The following FRMD3 variants were observed in gnomAD, a reference collection of about 807,000 sequenced individuals.
FRMD3 encodes FERM domain-containing protein 3.
A neutral mutation model predicts 70.2 loss-of-function variants in FRMD3; 33 were observed. The ratio of observed to expected loss-of-function variants is 0.47; its 90% CI spans 0.36 to 0.63. The LOEUF (loss-of-function observed/expected upper bound fraction) is 0.63. Among genes scored for constraint, FRMD3 ranks in the 20% least tolerant of loss-of-function variants. The pLI is 0.00. For synonymous variants in FRMD3, 279 were observed against 255.9 expected, an observed-to-expected ratio of 1.09 and a Z score of -0.86; for missense variants, 632 against 711.4, an observed-to-expected ratio of 0.89 and a Z score of 1.27.
chr9:83,372,381 A>T (rs548972597), intron 3 of FRMD3, among the ~76,000 whole-genome samples: 1 of 151,542 alleles, frequency 6.6e-6, no homozygotes, highest in South Asian at 2.1e-4. Context: ...AAAAAAAAAA[A>T]AAAAAGAAGT....
In FRMD3 at chr9:83,287,993, T is replaced by C. The variant is rs537741617; in HGVS notation, c.1195+2610A>G. Among the ~76,000 whole-genome samples the C allele has an allele frequency of 1.1e-4, 16 of 152,344 alleles. No individual in the cohort carries two copies. In the East Asian group the frequency reaches 2.7e-3, roughly 26 times the overall value. ...TACAACTTGTATTTGTCACAATTGTTGCATTAAGGAATGAATGAATTCCCA... is the reference window on the plus strand; with the variant it reads ...TACAACTTGTATTTGTCACAATTGTCGCATTAAGGAATGAATGAATTCCCA... On this transcript the variant is annotated intron_variant, in intron 13 of 13. Transcript: ENST00000304195.
At chr9:83,320,543 C>A (rs1835759114) in intron 6 of FRMD3, among the ~76,000 whole-genome samples, 1 of 151,376 alleles carries the variant, frequency 6.6e-6, no homozygotes, top group Non-Finnish European at 1.5e-5. Flanking sequence ...GCTGAAAATA[C>A]AATTTTCAGC....
At chr9:83,318,036 G>A (rs1016498332) in intron 6 of FRMD3, among the ~76,000 whole-genome samples, 1 of 152,152 alleles carries the variant, frequency 6.6e-6, no homozygotes, top group Non-Finnish European at 1.5e-5. Context: ...CAAATAGGAC[G>A]TCTAACTAGC....
chr9:83,387,350 T>A (rs1213400236), intron 2 of FRMD3, among the ~76,000 whole-genome samples: 1 of 152,236 alleles, frequency 6.6e-6, no homozygotes, highest in African/African-American at 2.4e-5. Flanking sequence ...AATCCAATAC[T>A]ATTGTTATTT....
chr9:83,507,701 T>C (rs28514606), intron 1 of FRMD3, among the ~76,000 whole-genome samples: 8 of 65,284 alleles, frequency 1.2e-4, no homozygotes, highest in South Asian at 5.1e-4. Flanking sequence ...CATATATATA[T>C]ATATATATAT....
chr9:83,310,637 G>T, intron 8 of FRMD3, 89 bp from the exon 9 acceptor site: 1 of 953,218 alleles, frequency 1.0e-6, no homozygotes, highest in Non-Finnish European at 1.6e-6. Flanking sequence ...ACTCAAAAAT[G>T]CCAGGCAGAT....
chr9:83,422,703 A>G (rs183770635), intron 1 of FRMD3, among the ~76,000 whole-genome samples: 249 of 152,316 alleles, frequency 1.6e-3, no homozygotes, highest in African/African-American at 5.7e-3. Flanking sequence ...CTCCAGCCAG[A>G]ACAGATGTTT....
At chr9:83,333,509 G>A (rs1339378934) in intron 6 of FRMD3, among the ~76,000 whole-genome samples, 1 of 152,188 alleles carries the variant, frequency 6.6e-6, no homozygotes, top group Non-Finnish European at 1.5e-5. Context: ...AAACAACTTG[G>A]AATCTTCTGT....
In FRMD3 at chr9:83,538,058, C is replaced by G. The variant is rs1049883071; in HGVS notation, c.147+27G>C. 1.9e-6 allele frequency: 3 copies of G among 1,608,086 alleles called. No homozygotes were observed. Among genetic ancestry groups the G allele is most frequent in the Non-Finnish European group, 2.6e-6 (3 of 1,176,000 alleles). On this transcript the variant is annotated intron_variant, in intron 1 of 13. Transcript: ENST00000304195. This position sits in a 1 kb window ranked among gnomAD's most constrained non-coding sequence, Gnocchi z 4.7. The stretch of plus-strand genomic sequence containing the variant: ...CCCGCCCTGCTCCCGGCGTGTGCCC[C>G]GCGCCCTCGCCCGGTTCCACGCGCA...
At chr9:83,489,094 G>C (rs571225748) in intron 1 of FRMD3, among the ~76,000 whole-genome samples, 1 of 151,510 alleles carries the variant, frequency 6.6e-6, no homozygotes, top group South Asian at 2.1e-4. Flanking sequence ...ATATACAAAA[G>C]TGAATTCAAT....
intron 5 of FRMD3, among the ~76,000 whole-genome samples, chr9:83,338,890 C>T (rs1027846318): frequency 6.6e-6 from 1 of 152,136 alleles, no homozygotes; most frequent in Non-Finnish European, 1.5e-5. Context: ...CGTAACATGT[C>T]CACCTTTACA....
At chr9:83,455,071 T>TCTA (rs1554707843) in intron 1 of FRMD3, among the ~76,000 whole-genome samples, 1 of 152,138 alleles carries the variant, frequency 6.6e-6, no homozygotes, top group Non-Finnish European at 1.5e-5. Flanking sequence ...TAGTAACACT[T>TCTA]ACTTTTTAAT....
intron 1 of FRMD3, among the ~76,000 whole-genome samples, chr9:83,448,637 G>A (rs1310876296): frequency 6.6e-6 from 1 of 152,048 alleles, no homozygotes; most frequent in Non-Finnish European, 1.5e-5. Flanking sequence ...CAAGGCCTCT[G>A]AGCCACTCTC....
chr9:83,379,787 C>G (rs895822954), intron 2 of FRMD3, among the ~76,000 whole-genome samples: 1 of 152,166 alleles, frequency 6.6e-6, no homozygotes, highest in South Asian at 2.1e-4. Context: ...TAGCTCTTAA[C>G]TAATGACTAT....
At chr9:83,503,547 T>C (rs947831581) in intron 1 of FRMD3, among the ~76,000 whole-genome samples, 1 of 152,172 alleles carries the variant, frequency 6.6e-6, no homozygotes, top group Admixed American at 6.5e-5. Flanking sequence ...ACACCTTGAG[T>C]ACAGATTTGT....
chr9:83,246,565 AAAC>A lies in FRMD3; in HGVS notation c.*1350_*1352del. 7 of 985,092 alleles carry A rather than the reference AAAC, an allele frequency of 7.1e-6. No homozygotes were observed. Among genetic ancestry groups the A allele is most frequent in the African/African-American group, 1.7e-5 (1 of 57,260 alleles). The allele number at this position is 985,092 out of a possible 1,614,324, so 61.0% of individuals were successfully genotyped here. A position where few individuals can be genotyped will look rare whatever the true frequency, so the allele number is the denominator to read the frequency against. On this transcript the variant is annotated 3_prime_UTR_variant, in exon 14 of 14. Coordinates refer to ENST00000304195, the MANE Select transcript of FRMD3 (RefSeq NM_174938.6). ...GTTTCTCTATGGAAGTCAAATTTTA[AAAC>A]AACTGGGAAAGGAAAGGAGTATAAT... is the stretch of plus-strand genomic sequence containing the variant.
chr9:83,357,251 ATATATATATATAT>A (rs1824409654), intron 3 of FRMD3, among the ~76,000 whole-genome samples: 1 of 11,912 alleles, frequency 8.4e-5, no homozygotes, highest in Admixed American at 1.2e-3. Flanking sequence ...ACATACATAT[ATATATATATATAT>A]ATATATATAT....
At chr9:83,462,592 A>G (rs1382845440) in intron 1 of FRMD3, among the ~76,000 whole-genome samples, 1 of 152,116 alleles carries the variant, frequency 6.6e-6, no homozygotes, top group Non-Finnish European at 1.5e-5. Flanking sequence ...ACCGCTTTCC[A>G]GGTTCCTGGA....
the FRMD3 span, among the ~76,000 whole-genome samples, chr9:83,561,795 G>A: frequency 6.6e-6 from 1 of 152,198 alleles, no homozygotes; most frequent in Admixed American, 6.5e-5. Context: ...AGAAGAGCAT[G>A]TATATTTGCA....
Sources: gnomAD v4.1 joint callset for allele counts (sites outside exome capture counted in the v4.1 genomes callset) on GRCh38, gnomAD v4.1.1 for gene constraint, Gnocchi (gnomAD v3.1) non-coding constraint, MANE v1.5 for transcripts, NCBI Gene and HGNC (gene_info 2026-07-23, HGNC 2026-07-21) for gene names.